The following NELL1 variants were observed in gnomAD, a reference collection of about 807,000 sequenced individuals.
The protein encoded by NELL1 is neural EGFL like 1, also known as protein kinase C-binding protein NELL1.
A neutral mutation model predicts 107.4 loss-of-function variants in NELL1; 76 were observed. The ratio of observed to expected loss-of-function variants is 0.71; its 90% CI spans 0.59 to 0.86. NELL1 has a LOEUF of 0.86. Ranked by LOEUF, NELL1 falls within the 40% of genes least tolerant of loss-of-function variation. NELL1 has a pLI of 0.00. For synonymous variants in NELL1, 353 were observed against 341.2 expected (o/e 1.03, Z -0.38); for missense variants, 1,024 against 1,005.5 (o/e 1.02, Z -0.25).
chr11:21,213,844 A>G lies in NELL1; in HGVS notation c.1427-15488A>G, dbSNP rs192356615. ...CCTTATCAAAAATTAACTCAAATGTATCATGGGTTTAAATGTAAAAATATA... is the reference window on the plus strand; with the variant it reads ...CCTTATCAAAAATTAACTCAAATGTGTCATGGGTTTAAATGTAAAAATATA... On this transcript the variant is annotated intron_variant, in intron 13 of 19. Coordinates refer to ENST00000357134, the MANE Select transcript of NELL1 (RefSeq NM_006157.5). Among the ~76,000 whole-genome samples the G allele has an allele frequency of 3.1e-3, 475 of 152,332 alleles. 3 individuals carry two copies. The highest frequency in any genetic ancestry group is 0.027 in the Middle Eastern group (8 of 294).
rs148118829 is a variant in NELL1, at chr11:21,511,961, A to G, written c.1646-22413A>G. Among the ~76,000 whole-genome samples the G allele has an allele frequency of 3.1e-3, 472 of 152,326 alleles. 20 individuals are homozygous for G. In the East Asian group the frequency reaches 0.064, roughly 21 times the overall value. ...AAGCTGACATCATAACAAAGAGGAC[A>G]TAATTGGAATGAGCCTGCCTACTTG... On this transcript the variant is annotated intron_variant, in intron 15 of 19. Coordinates refer to ENST00000357134, the MANE Select transcript of NELL1 (RefSeq NM_006157.5).
chr11:20,944,335 TAA>T (rs200249559), intron 10 of NELL1, among the ~76,000 whole-genome samples: 3 of 151,990 alleles, frequency 2.0e-5, no homozygotes, highest in African/African-American at 4.8e-5. Flanking sequence ...ACATAATTTT[TAA>T]AAAAAAATCA....
intron 7 of NELL1, among the ~76,000 whole-genome samples, chr11:20,925,840 C>G (rs769423245): frequency 6.6e-6 from 1 of 152,036 alleles, no homozygotes; most frequent in Non-Finnish European, 1.5e-5. Flanking sequence ...ATGACAAAAA[C>G]AAAGGTTAGA....
At chr11:20,714,969 A>T (rs575648395) in intron 2 of NELL1, among the ~76,000 whole-genome samples, 18 of 152,112 alleles carry the variant, frequency 1.2e-4, no homozygotes, top group South Asian at 4.2e-4. Flanking sequence ...ATAGGACGGG[A>T]GCGGTGGCTC....
intron 15 of NELL1, among the ~76,000 whole-genome samples, chr11:21,440,091 A>G (rs910746976): frequency 2.0e-5 from 3 of 152,172 alleles, no homozygotes; most frequent in Non-Finnish European, 4.4e-5. Context: ...GCCAAGGTTA[A>G]TACAAAGTTA....
intron 12 of NELL1, among the ~76,000 whole-genome samples, chr11:20,983,122 G>A (rs1173206356): frequency 6.6e-6 from 1 of 152,134 alleles, no homozygotes; most frequent in Non-Finnish European, 1.5e-5. Context: ...AGCCTCTGGG[G>A]ACCTGCAAGT....
intron 16 of NELL1, among the ~76,000 whole-genome samples, chr11:21,550,776 A>T (rs1442957506): frequency 6.6e-6 from 1 of 152,110 alleles, no homozygotes; most frequent in African/African-American, 2.4e-5. Flanking sequence ...AGGTAGCGTG[A>T]TGCCTCCAGC....
intron 14 of NELL1, among the ~76,000 whole-genome samples, chr11:21,254,215 G>A (rs1324841515): frequency 6.6e-6 from 1 of 152,090 alleles, no homozygotes; most frequent in East Asian, 1.9e-4. Flanking sequence ...ATTAGGCAAT[G>A]AAAATAATAA....
At chr11:20,895,731 C>T (rs978132609) in intron 5 of NELL1, among the ~76,000 whole-genome samples, 26 of 151,936 alleles carry the variant, frequency 1.7e-4, no homozygotes, top group African/African-American at 6.0e-4. Context: ...TGGTCTTGAA[C>T]TCCTGACCTC....
At chr11:21,430,029 T>C (rs1852927739) in intron 15 of NELL1, among the ~76,000 whole-genome samples, 1 of 152,192 alleles carries the variant, frequency 6.6e-6, no homozygotes, top group South Asian at 2.1e-4. Flanking sequence ...CAGATACTTG[T>C]TATATGTTCA....
chr11:20,934,408 A>G (rs1850680821), intron 9 of NELL1, among the ~76,000 whole-genome samples: 1 of 152,194 alleles, frequency 6.6e-6, no homozygotes, highest in Non-Finnish European at 1.5e-5. Context: ...TTCAGTGGAC[A>G]TTTAATTTTT....
At chr11:21,321,743 ACTC>A (rs1402534331) in intron 14 of NELL1, among the ~76,000 whole-genome samples, 2 of 151,962 alleles carry the variant, frequency 1.3e-5, no homozygotes, top group East Asian at 3.9e-4. Flanking sequence ...CAGAACCAGG[ACTC>A]CTTTTCTTTA....
chr11:20,858,284 T>A (rs12279742), intron 4 of NELL1, among the ~76,000 whole-genome samples: 18,758 of 152,084 alleles, frequency 0.12, 1,415 homozygotes, highest in East Asian at 0.21. Context: ...AGGCATAGTA[T>A]ACAGATAGGT....
Position 20,911,106 on chromosome 11 carries a change from A to C in NELL1, c.604-7076A>C, listed in dbSNP as rs543750406. Among the ~76,000 whole-genome samples the C allele has an allele frequency of 5.3e-5, 8 of 152,324 alleles. No homozygotes were observed. The South Asian group carries it at 1.7e-3, about 32-fold the overall frequency. On this transcript the variant is annotated intron_variant, in intron 5 of 19. Coordinates refer to ENST00000357134, the MANE Select transcript of NELL1 (RefSeq NM_006157.5). ...GAGAGAACAGTTCTTCCTATTATCT[A>C]TTCCAGCTTGATGAGTGTATGATTC...
At chr11:20,975,652 T>C (rs541647543) in intron 12 of NELL1, among the ~76,000 whole-genome samples, 1 of 133,312 alleles carries the variant, frequency 7.5e-6, no homozygotes, top group African/African-American at 2.8e-5. Context: ...ATATAATGTA[T>C]GTATTATATA....
chr11:21,267,827 A>G (rs1020688713), intron 14 of NELL1, among the ~76,000 whole-genome samples: 1 of 152,110 alleles, frequency 6.6e-6, no homozygotes, highest in African/African-American at 2.4e-5. Context: ...TGGATGTCCT[A>G]CCAGTTTCTG....
intron 15 of NELL1, among the ~76,000 whole-genome samples, chr11:21,447,161 C>T (rs1287931689): frequency 6.6e-6 from 1 of 152,138 alleles, no homozygotes; most frequent in Non-Finnish European, 1.5e-5. Context: ...GGGATTCACC[C>T]TTCAGAGCAG....
chr11:21,143,808 C>T (rs34361009), intron 13 of NELL1, among the ~76,000 whole-genome samples: 6,303 of 152,098 alleles, frequency 0.041, 177 homozygotes, highest in Admixed American at 0.073. Flanking sequence ...TATAAAGTCC[C>T]GGCAAGATGA....
chr11:21,013,941 C>T (rs1852507939), intron 12 of NELL1, among the ~76,000 whole-genome samples: 1 of 151,864 alleles, frequency 6.6e-6, no homozygotes, highest in Non-Finnish European at 1.5e-5. Context: ...TTAGAATATC[C>T]CTCAGTTTGG....
Sources: allele counts gnomAD v4.1 joint callset (sites outside exome capture counted in the v4.1 genomes callset), GRCh38; gene constraint gnomAD v4.1.1; transcripts MANE v1.5; gene names NCBI Gene and HGNC (gene_info 2026-07-23, HGNC 2026-07-21).